The following LARGE1 variants were observed in gnomAD, a reference collection of about 807,000 sequenced individuals.
LARGE1 encodes xylosyl- and glucuronyltransferase LARGE1.
A neutral mutation model predicts 87.6 loss-of-function variants in LARGE1; 43 were observed. The observed-to-expected ratio is 0.49, with a 90% CI of 0.38 to 0.63. The LOEUF is 0.63. Ranked by LOEUF, LARGE1 falls within the 30% of genes least tolerant of loss-of-function variation. LARGE1 has a pLI of 0.00. For missense variants in LARGE1, 802 were observed against 1,000.2 expected, an observed-to-expected ratio of 0.80 and a Z score of 2.67; for synonymous variants, 434 against 394.6, an observed-to-expected ratio of 1.10 and a Z score of -1.18.
chr22:33,577,000 G>A (rs1414267146), intron 5 of LARGE1, among the ~76,000 whole-genome samples: 1 of 152,126 alleles, frequency 6.6e-6, no homozygotes, highest in Non-Finnish European at 1.5e-5. Context: ...ATATAGATAG[G>A]TGACTATGTA....
chr22:33,604,901 A>T (rs1215533874), intron 4 of LARGE1, among the ~76,000 whole-genome samples: 2 of 152,018 alleles, frequency 1.3e-5, no homozygotes, highest in African/African-American at 4.8e-5. Flanking sequence ...CAACCTTTAT[A>T]TCTGACTTAT....
chr22:33,476,482 A>G (rs2032475), intron 6 of LARGE1, among the ~76,000 whole-genome samples: 42,158 of 152,108 alleles, frequency 0.28, 6,737 homozygotes, highest in African/African-American at 0.44. Flanking sequence ...TGACTGATGC[A>G]TCACGTCTCT....
chr22:33,394,344 G>A (rs146962451), intron 7 of LARGE1, among the ~76,000 whole-genome samples: 63 of 152,134 alleles, frequency 4.1e-4, no homozygotes, highest in African/African-American at 1.3e-3. Flanking sequence ...CACTACAGGC[G>A]TGTGCCACCA....
At chr22:33,746,463 T>C (rs751771814) in intron 2 of LARGE1, 8 of 152,126 alleles carry the variant, frequency 5.3e-5, no homozygotes, top group Non-Finnish European at 7.4e-5. Flanking sequence ...GAAAGGTGAG[T>C]CCTCACTATC....
rs151052363 is a variant in LARGE1 at position 33,330,549 on chromosome 22, T to C, written c.1287+7097A>G. ...GAAAAGGGAGAGAAATGCTAAGGTA[T>C]AGAATTCTAACCTCCATCCCTATGT... is the stretch of plus-strand genomic sequence containing the variant. On this transcript the variant is annotated intron_variant, in intron 10 of 14. Transcript: ENST00000397394. Among the ~76,000 whole-genome samples the C allele has an allele frequency of 1.1e-3, 161 of 152,292 alleles. 2 individuals are homozygous for C. In the East Asian group the frequency reaches 0.029, roughly 27 times the overall value.
At chr22:33,630,203 A>G (rs565021551) in intron 3 of LARGE1, among the ~76,000 whole-genome samples, 1 of 152,132 alleles carries the variant, frequency 6.6e-6, no homozygotes, top group African/African-American at 2.4e-5. Context: ...CGGTCTCAAA[A>G]AAAAACCCCA....
chr22:33,365,844 G>A (rs2146947020), intron 9 of LARGE1, among the ~76,000 whole-genome samples: 1 of 152,246 alleles, frequency 6.6e-6, no homozygotes, highest in East Asian at 1.9e-4. Context: ...TCGAACTCCT[G>A]AGCTCAAGTG....
intron 1 of LARGE1, among the ~76,000 whole-genome samples, chr22:33,845,729 T>C (rs746574372): frequency 2.0e-5 from 3 of 152,184 alleles, no homozygotes; most frequent in Admixed American, 6.5e-5. Context: ...AGTCCCTATG[T>C]ACCTATGACC....
At chr22:33,816,522 C>T (rs1357726101) in intron 1 of LARGE1, among the ~76,000 whole-genome samples, 1 of 152,102 alleles carries the variant, frequency 6.6e-6, no homozygotes, top group Non-Finnish European at 1.5e-5. Context: ...ACCCTCAAGA[C>T]CTCACTGCTC....
chr22:33,277,549 A>G (rs1314148958), intron 13 of LARGE1, among the ~76,000 whole-genome samples: 1 of 152,210 alleles, frequency 6.6e-6, no homozygotes, highest in Non-Finnish European at 1.5e-5. Context: ...ACACAGAGAC[A>G]CACAGCAAGA....
chr22:33,378,082 C>T (rs1286891710), intron 9 of LARGE1, among the ~76,000 whole-genome samples: 1 of 152,134 alleles, frequency 6.6e-6, no homozygotes, highest in Non-Finnish European at 1.5e-5. Context: ...TAGCTTACTT[C>T]CTTGTGTGTT....
chr22:33,836,810 AG>A (rs2063120974), intron 1 of LARGE1, among the ~76,000 whole-genome samples: 3 of 151,964 alleles, frequency 2.0e-5, no homozygotes, highest in African/African-American at 7.3e-5. Flanking sequence ...AAAAAAAAAA[AG>A]AATTAATCCA....
At chr22:33,609,414 C>T (rs1225593076) in intron 4 of LARGE1, among the ~76,000 whole-genome samples, 1 of 152,136 alleles carries the variant, frequency 6.6e-6, no homozygotes, top group African/African-American at 2.4e-5. Context: ...CAAGGAGGAG[C>T]ACAAAAGCTA....
chr22:33,487,077 C>T (rs1268949436), intron 6 of LARGE1, among the ~76,000 whole-genome samples: 1 of 152,174 alleles, frequency 6.6e-6, no homozygotes, highest in African/African-American at 2.4e-5. Context: ...TTTTGGATTG[C>T]TGCAAGCTTG....
intron 4 of LARGE1, among the ~76,000 whole-genome samples, chr22:33,610,304 T>C (rs544108892): frequency 7.9e-5 from 12 of 152,344 alleles, no homozygotes; most frequent in Non-Finnish European, 1.5e-4. Context: ...GTGACCAAAA[T>C]GCAGATAGTG....
chr22:33,404,341 C>T (rs927555207), intron 7 of LARGE1, among the ~76,000 whole-genome samples: 10 of 152,168 alleles, frequency 6.6e-5, no homozygotes, highest in African/African-American at 2.2e-4. Context: ...TGCCTGCCTC[C>T]TAGGCTGTTT....
At chr22:33,249,103 G>C (rs2145710451) in intron 11 of LARGE1, among the ~76,000 whole-genome samples, 1 of 152,282 alleles carries the variant, frequency 6.6e-6, no homozygotes, top group South Asian at 2.1e-4. Context: ...CACATGATAA[G>C]AGTGTGTTTA....
At chr22:33,461,624 CACATGT>C (rs778722926) in intron 6 of LARGE1, among the ~76,000 whole-genome samples, 26 of 141,146 alleles carry the variant, frequency 1.8e-4, no homozygotes, top group Non-Finnish European at 3.8e-4. Flanking sequence ...GCATGTTGTG[CACATGT>C]ACCCTAGAAC....
chr22:33,676,792 T>C (rs1003596223), intron 2 of LARGE1, among the ~76,000 whole-genome samples: 14 of 152,046 alleles, frequency 9.2e-5, no homozygotes, highest in Non-Finnish European at 1.2e-4. Context: ...CCACCAGAGA[T>C]AGAGACATGG....
Sources: gnomAD v4.1 joint callset for allele counts (sites outside exome capture counted in the v4.1 genomes callset) on GRCh38, gnomAD v4.1.1 for gene constraint, MANE v1.5 for transcripts, NCBI Gene and HGNC (gene_info 2026-07-23, HGNC 2026-07-21) for gene names.